The following SEMA3A variants were observed in gnomAD, a reference collection of about 807,000 sequenced individuals.
The protein encoded by SEMA3A is semaphorin 3A.
In SEMA3A, 29 loss-of-function variants were observed where a neutral mutation model predicts 97.9. The ratio of observed to expected loss-of-function variants is 0.30; its 90% CI spans 0.22 to 0.40. The LOEUF (loss-of-function observed/expected upper bound fraction) is 0.40, where lower values mean the gene tolerates loss of function less well. SEMA3A is among the 10% of genes least tolerant of loss of function. The probability of loss-of-function intolerance (pLI) is 1.00; values close to 1 mark genes in which losing one functional copy is unlikely to be tolerated. For synonymous variants in SEMA3A, 321 were observed against 323.7 expected, an observed-to-expected ratio of 0.99 and a Z score of 0.09; for missense variants, 763 against 951.3, an observed-to-expected ratio of 0.80 and a Z score of 2.60.
rs114474283 is a variant in SEMA3A, at chr7:84,168,191, C to A, written c.112+26284G>T. 9.5e-3 allele frequency among the ~76,000 whole-genome samples: 1,441 copies of A among 151,970 alleles called. 26 individuals carry two copies. Among genetic ancestry groups the A allele is most frequent in the African/African-American group, 0.033 (1,356 of 41,498 alleles). On this transcript the variant is annotated intron_variant, in intron 1 of 16. Coordinates refer to ENST00000265362, the MANE Select transcript of SEMA3A (RefSeq NM_006080.3). Reference sequence around the variant, plus strand: ...ACAAAACACTGCTTCTGAAAAAGGACAATGAAAAATAAACAAAGAGGTAGC... The same window carrying A: ...ACAAAACACTGCTTCTGAAAAAGGAAAATGAAAAATAAACAAAGAGGTAGC...
chr7:84,091,365 A>AAAGG (rs369410201), intron 4 of SEMA3A, among the ~76,000 whole-genome samples: 59,071 of 145,854 alleles, frequency 0.41, 13,989 homozygotes, highest in Non-Finnish European at 0.52. Flanking sequence ...AGAAAGGAAG[A>AAAGG]AAGGAAGGAA....
At chr7:84,088,543 C>A (rs1211964697) in intron 4 of SEMA3A, among the ~76,000 whole-genome samples, 4 of 151,850 alleles carry the variant, frequency 2.6e-5, no homozygotes, top group African/African-American at 7.3e-5. Context: ...AGATTCCTGT[C>A]TTAATTCAAT....
Position 83,963,322 on chromosome 7 carries a change from T to A in SEMA3A, c.1743A>T (p.Glu581Asp). ...HHDNHHGHSP[E>D]ERIIYGVENS... ...TCTCTACACCATAGATGATTCTCTC[T>A]TCAGGGCTGTGGCCATGGTGATTAT... The change falls in exon 16 of 17, where the codon GAA (glutamate) becomes GAT (aspartate). Residue 581 changes from glutamate (E) to aspartate (D), a missense_variant. By Grantham distance (45) the Glu-to-Asp change is conservative. Coordinates refer to ENST00000265362, the MANE Select transcript of SEMA3A (RefSeq NM_006080.3). 1 of 1,613,510 alleles carries A rather than the reference T, an allele frequency of 6.2e-7. No homozygotes were observed. The highest frequency in any genetic ancestry group is 1.7e-5 in the Admixed American group (1 of 60,030).
At chr7:84,333,404 T>C (rs551600054) in intron 2 of SEMA3A, among the ~76,000 whole-genome samples, 4 of 152,114 alleles carry the variant, frequency 2.6e-5, no homozygotes, top group Admixed American at 2.6e-4. Flanking sequence ...CTAGAGTCTT[T>C]AGCCTCATCA....
At chr7:84,298,585 G>A (rs530565034) in intron 3 of SEMA3A, among the ~76,000 whole-genome samples, 1 of 152,304 alleles carries the variant, frequency 6.6e-6, no homozygotes, top group African/African-American at 2.4e-5. Flanking sequence ...TCTACCAGAA[G>A]AAGAGATGAG....
intron 12 of SEMA3A, 80 bp downstream of exon 12, chr7:84,001,875 T>C: frequency 2.2e-6 from 2 of 918,274 alleles, no homozygotes; most frequent in East Asian, 2.5e-5. Flanking sequence ...TACTTGTCCA[T>C]ACCAAGTTCA....
intron 1 of SEMA3A, among the ~76,000 whole-genome samples, chr7:84,191,170 CAT>C (rs1245864023): frequency 6.8e-6 from 1 of 146,542 alleles, no homozygotes; most frequent in African/African-American, 2.5e-5. Context: ...CACACATATA[CAT>C]ATGAGAATTT....
intron 3 of SEMA3A, among the ~76,000 whole-genome samples, chr7:84,275,497 T>C (rs1205208772): frequency 6.6e-6 from 1 of 152,070 alleles, no homozygotes; most frequent in African/African-American, 2.4e-5. Context: ...ACACCTGACA[T>C]TACAGCTGAG....
At chr7:84,236,721 ACTCTCTTGATCGTTTTGC>A (rs1362988190) in intron 3 of SEMA3A, among the ~76,000 whole-genome samples, 2 of 152,034 alleles carry the variant, frequency 1.3e-5, no homozygotes, top group Admixed American at 1.3e-4. Flanking sequence ...ATTTTGCCCT[ACTCTCTTGATCGTTTTGC>A]CTCAGTCTAT....
intron 4 of SEMA3A, among the ~76,000 whole-genome samples, chr7:84,071,395 G>A (rs1186326693): frequency 6.6e-6 from 1 of 152,110 alleles, no homozygotes; most frequent in Admixed American, 6.6e-5. Context: ...ATGAGATCTA[G>A]AAGGAGGGAT....
At position 84,313,324 on chromosome 7, in the gene SEMA3A, TA is replaced by T. The variant is rs1307579207; in HGVS notation, c.-168-6033del. Among the ~76,000 whole-genome samples, 5 of 132,322 alleles carry T rather than the reference TA, an allele frequency of 3.8e-5. 1 individual carries two copies. Among genetic ancestry groups the T allele is most frequent in the African/African-American group, 1.4e-4 (5 of 34,522 alleles). The allele number at this position is 132,322 out of a possible 152,430, so 86.8% of individuals were successfully genotyped here. On this transcript the variant is annotated intron_variant, in intron 2 of 3. Coordinates refer to the SEMA3A transcript ENST00000424555. ...TATATGTATTATATACGTGTGTATATAATACATATATATATATGTATATGTG... is the reference window on the plus strand; with the variant it reads ...TATATGTATTATATACGTGTGTATATATACATATATATATATGTATATGTG...
chr7:84,207,419 T>G (rs919691251), intron 3 of SEMA3A, among the ~76,000 whole-genome samples: 1 of 152,218 alleles, frequency 6.6e-6, no homozygotes, highest in Admixed American at 6.5e-5. Context: ...CAAATGATTC[T>G]ATGTATTCCA....
chr7:84,387,009 A>AAAT (rs3049920), intron 1 of SEMA3A, among the ~76,000 whole-genome samples: 41 of 151,108 alleles, frequency 2.7e-4, no homozygotes, highest in East Asian at 1.6e-3. Flanking sequence ...CAAAAAAAGA[A>AAAT]AATAATAATA....
chr7:84,259,581 T>A (rs1799796646), intron 3 of SEMA3A, among the ~76,000 whole-genome samples: 1 of 152,096 alleles, frequency 6.6e-6, no homozygotes, highest in Non-Finnish European at 1.5e-5. Flanking sequence ...TTATGTAATT[T>A]TCCTGCAATA....
intron 12 of SEMA3A, among the ~76,000 whole-genome samples, chr7:83,996,807 G>A (rs1489024789): frequency 6.6e-6 from 1 of 151,946 alleles, no homozygotes; most frequent in Non-Finnish European, 1.5e-5. Context: ...TGTCAAATTT[G>A]GGGTATTTTA....
chr7:84,420,957 T>C (rs193196982), intron 1 of SEMA3A, among the ~76,000 whole-genome samples: 1 of 152,218 alleles, frequency 6.6e-6, no homozygotes, highest in Non-Finnish European at 1.5e-5. Flanking sequence ...GATTCATTGA[T>C]TTTTTAAAGG....
chr7:84,062,905 G>C (rs1793306710), intron 4 of SEMA3A, among the ~76,000 whole-genome samples: 1 of 151,940 alleles, frequency 6.6e-6, no homozygotes, highest in African/African-American at 2.4e-5. Flanking sequence ...CTCCAACTGG[G>C]TGGAGCCCAC....
At chr7:84,203,326 T>G (rs1798399072) in intron 3 of SEMA3A, among the ~76,000 whole-genome samples, 1 of 149,640 alleles carries the variant, frequency 6.7e-6, no homozygotes, top group African/African-American at 2.5e-5. Flanking sequence ...AAGAGAAGCC[T>G]TTTTTTTTCT....
At chr7:84,256,604 A>G in intron 3 of SEMA3A, among the ~76,000 whole-genome samples, 1 of 152,080 alleles carries the variant, frequency 6.6e-6, no homozygotes, top group East Asian at 1.9e-4. Flanking sequence ...ACTCCAGGGT[A>G]GCAATGAAGG....
Sources: allele counts gnomAD v4.1 joint callset (sites outside exome capture counted in the v4.1 genomes callset), GRCh38; gene constraint gnomAD v4.1.1; transcripts MANE v1.5; gene names NCBI Gene and HGNC (gene_info 2026-07-23, HGNC 2026-07-21).